Variants in LGSN observed in about 807,000 individuals in gnomAD.
LGSN encodes lengsin.
A neutral mutation model predicts 19.5 loss-of-function variants in LGSN; 21 were observed. That is an observed-to-expected ratio of 1.07 (90% confidence interval 0.76 to 1.55). LGSN has a LOEUF of 1.55. Among genes scored for constraint, LGSN ranks in the 40% most tolerant of loss-of-function variants. The pLI is 0.00. For missense variants in LGSN, 673 were observed against 608.5 expected, an observed-to-expected ratio of 1.11 and a Z score of -1.12; for synonymous variants, 257 against 215.6, an observed-to-expected ratio of 1.19 and a Z score of -1.68.
the LGSN span, among the ~76,000 whole-genome samples, chr6:63,414,653 G>A: frequency 9.2e-5 from 14 of 152,350 alleles, no homozygotes; most frequent in Middle Eastern, 3.4e-3. Flanking sequence ...TGCTGGGCGC[G>A]ATGGCGCGTG....
intron 1 of LGSN, among the ~76,000 whole-genome samples, chr6:63,309,328 A>T (rs1333154202): frequency 1.3e-5 from 2 of 152,154 alleles, no homozygotes; most frequent in Admixed American, 6.5e-5. Context: ...GCTACTCCAG[A>T]GGCTGAAGCA....
the LGSN span, among the ~76,000 whole-genome samples, chr6:63,453,333 TTCTC>T: frequency 6.6e-6 from 1 of 152,190 alleles, no homozygotes; most frequent in Non-Finnish European, 1.5e-5. Context: ...CTTTCTAATT[TTCTC>T]TCTATGTGTT....
At chr6:63,325,103 C>CA in the LGSN span, among the ~76,000 whole-genome samples, 13,480 of 64,764 alleles carry the variant, frequency 0.21, 1,288 homozygotes, top group Admixed American at 0.31. Context: ...AACTCTGTCT[C>CA]AAAAAAAAAA....
upstream of LGSN, among the ~76,000 whole-genome samples, chr6:63,322,764 C>T (rs1035695377): frequency 2.0e-5 from 3 of 152,070 alleles, no homozygotes; most frequent in African/African-American, 7.2e-5. Flanking sequence ...GATCTGTTTA[C>T]AGAATTAAGA....
the LGSN span, among the ~76,000 whole-genome samples, chr6:63,378,727 A>G: frequency 3.3e-5 from 5 of 152,128 alleles, no homozygotes; most frequent in African/African-American, 1.2e-4. Context: ...AATAAGAGTG[A>G]GAACTCACAC....
At chr6:63,487,655 A>C in the LGSN span, among the ~76,000 whole-genome samples, 1 of 152,294 alleles carries the variant, frequency 6.6e-6, no homozygotes, top group South Asian at 2.1e-4. Context: ...TCAGTGGTAT[A>C]AATCCTCAAA....
the LGSN span, among the ~76,000 whole-genome samples, chr6:63,333,970 C>A: frequency 6.6e-6 from 1 of 152,180 alleles, no homozygotes; most frequent in Non-Finnish European, 1.5e-5. Context: ...AGAAAATATA[C>A]TTCACAATCA....
At chr6:63,398,617 T>C in the LGSN span, among the ~76,000 whole-genome samples, 1 of 152,164 alleles carries the variant, frequency 6.6e-6, no homozygotes, top group East Asian at 1.9e-4. Context: ...AAAAAAATTA[T>C]AGTAAGCTAA....
At chr6:63,319,877 A>T in intron 1 of LGSN, 37 bp downstream of exon 1, 1 of 1,477,640 alleles carries the variant, frequency 6.8e-7, no homozygotes, top group Non-Finnish European at 9.5e-7. Context: ...TACTGTCAAT[A>T]TTTTGGTTAA....
chr6:63,471,594 G>A, the LGSN span, among the ~76,000 whole-genome samples: 1 of 151,686 alleles, frequency 6.6e-6, no homozygotes, highest in African/African-American at 2.4e-5. Flanking sequence ...GAACTGGGGA[G>A]GTGGAGGTTG....
chr6:63,357,559 T>G, the LGSN span, among the ~76,000 whole-genome samples: 141 of 152,330 alleles, frequency 9.3e-4, 1 homozygote, highest in African/African-American at 3.0e-3. Context: ...TTGTGGTTTT[T>G]ATTTGCATTT....
chr6:63,350,121 A>T, the LGSN span, among the ~76,000 whole-genome samples: 33 of 152,326 alleles, frequency 2.2e-4, no homozygotes, highest in African/African-American at 7.9e-4. Context: ...ATTAGCAAAA[A>T]CCGCAAATAC....
upstream of LGSN, among the ~76,000 whole-genome samples, chr6:63,320,669 G>A (rs776763024): frequency 1.3e-5 from 2 of 152,134 alleles, no homozygotes; most frequent in African/African-American, 2.4e-5. Flanking sequence ...AGTAAAGGGG[G>A]TTTGAAATCA....
chr6:63,359,609 G>C, the LGSN span, among the ~76,000 whole-genome samples: 1 of 152,208 alleles, frequency 6.6e-6, no homozygotes, highest in Non-Finnish European at 1.5e-5. Flanking sequence ...AGATTTTCTA[G>C]TTTATTTGCA....
At chr6:63,368,004 G>A in the LGSN span, among the ~76,000 whole-genome samples, 1 of 151,690 alleles carries the variant, frequency 6.6e-6, no homozygotes, top group Admixed American at 6.6e-5. Flanking sequence ...GACGAGTTAA[G>A]GGGTACAGCA....
the LGSN span, among the ~76,000 whole-genome samples, chr6:63,325,900 C>T: frequency 2.6e-4 from 40 of 152,190 alleles, no homozygotes; most frequent in African/African-American, 8.4e-4. Context: ...GAAGGGGACC[C>T]GAGTGGGTTG....
chr6:63,406,080 A>G, the LGSN span, among the ~76,000 whole-genome samples: 2 of 152,178 alleles, frequency 1.3e-5, no homozygotes, highest in Admixed American at 1.3e-4. Flanking sequence ...TAATAATGGG[A>G]GACTTTAACA....
chr6:63,518,129 G>C, the LGSN span, among the ~76,000 whole-genome samples: 5 of 149,372 alleles, frequency 3.3e-5, no homozygotes, highest in African/African-American at 1.2e-4. Flanking sequence ...ACTCCAGCCT[G>C]GGCAACACAG....
chr6:63,483,476 C>T, the LGSN span, among the ~76,000 whole-genome samples: 1 of 151,972 alleles, frequency 6.6e-6, no homozygotes, highest in Non-Finnish European at 1.5e-5. Context: ...AGCAATTCTC[C>T]TGCCTCAGCC....
Sources: allele counts gnomAD v4.1 joint callset (sites outside exome capture counted in the v4.1 genomes callset), GRCh38; gene constraint gnomAD v4.1.1; transcripts MANE v1.5; gene names NCBI Gene and HGNC (gene_info 2026-07-23, HGNC 2026-07-21).